TMOD1: variants seen among roughly 807,000 people sequenced by gnomAD.
TMOD1 encodes the protein tropomodulin 1.
A neutral mutation model predicts 40.6 loss-of-function variants in TMOD1; 17 were observed. The observed-to-expected ratio is 0.42, with a 90% confidence interval of 0.29 to 0.63. The LOEUF (loss-of-function observed/expected upper bound fraction) is 0.63, where lower values mean the gene tolerates loss of function less well. TMOD1 is among the 20% of genes least tolerant of loss of function. TMOD1 has a pLI of 0.22. For missense variants in TMOD1, 391 were observed against 447.6 expected (o/e 0.87, Z 1.14); for synonymous variants, 181 against 175.0 (o/e 1.03, Z -0.27).
At chr9:97,534,757 T>C (rs958294403) in intron 2 of TMOD1, among the ~76,000 whole-genome samples, 53 of 152,208 alleles carry the variant, frequency 3.5e-4, no homozygotes, top group African/African-American at 1.2e-3. Context: ...AGATACAGCA[T>C]AGATATGCTC....
Position 97,569,012 on chromosome 9 carries a change from T to G in TMOD1, c.845T>G (p.Leu282Arg). Residue 282 changes from leucine (L) to arginine (R), a missense_variant, in exon 8 of 10, where the codon CTG (leucine) becomes CGG (arginine). By Grantham distance (102) the Leu-to-Arg change is moderately radical. Coordinates refer to ENST00000259365, the MANE Select transcript of TMOD1 (RefSeq NM_003275.4). ...LVEALPYNTSLVEMKIDNQSQ... is the reference protein window; with the variant it reads ...LVEALPYNTSRVEMKIDNQSQ... Reference sequence around the variant, plus strand: ...GAAGCCCTCCCATACAACACTTCTCTGGTGGAAATGAAAATTGACAACCAG... The same window carrying G: ...GAAGCCCTCCCATACAACACTTCTCGGGTGGAAATGAAAATTGACAACCAG... 1 of 1,614,132 alleles carries G rather than the reference T, an allele frequency of 6.2e-7. No homozygotes were observed. The highest frequency in any genetic ancestry group is 1.1e-5 in the South Asian group (1 of 91,070).
rs1397099151 is a variant in TMOD1 at position 97,534,329 on chromosome 9, C to A, written c.120+10021C>A. ...GCCTGATGTTCTACTCTGCTGAAAG[C>A]CCTGAGATGGATTGAGAGGAGTTGG... is the stretch of plus-strand genomic sequence containing the variant. On this transcript the variant is annotated intron_variant, in intron 2 of 9. Coordinates refer to ENST00000259365, the MANE Select transcript of TMOD1 (RefSeq NM_003275.4). Among the ~76,000 whole-genome samples, 5 of 152,310 alleles carry A rather than the reference C, an allele frequency of 3.3e-5. No individual in the cohort carries two copies. In the East Asian group the frequency reaches 9.6e-4, roughly 29 times the overall value.
At chr9:97,571,319 G>A (rs1262320706) in intron 8 of TMOD1, among the ~76,000 whole-genome samples, 1 of 152,206 alleles carries the variant, frequency 6.6e-6, no homozygotes, top group Non-Finnish European at 1.5e-5. Context: ...CCAAGATGGA[G>A]CCCATGCTAA....
At chr9:97,538,651 C>G (rs181599094) in intron 2 of TMOD1, among the ~76,000 whole-genome samples, 11 of 152,228 alleles carry the variant, frequency 7.2e-5, no homozygotes, top group African/African-American at 2.6e-4. Flanking sequence ...ACCTTCCCCT[C>G]CATTTAGGAT....
chr9:97,562,331 AG>A (rs1308928341), intron 4 of TMOD1, among the ~76,000 whole-genome samples: 1 of 152,208 alleles, frequency 6.6e-6, no homozygotes, highest in African/African-American at 2.4e-5. Context: ...GACAGATCTC[AG>A]AGACACTGGG....
chr9:97,596,528 A>G (rs770663696), intron 9 of TMOD1, among the ~76,000 whole-genome samples: 22 of 152,188 alleles, frequency 1.4e-4, no homozygotes, highest in Admixed American at 3.3e-4. Context: ...ACACTTTACA[A>G]GAAGGAAACA....
At chr9:97,584,473 T>C (rs1055413638) in intron 8 of TMOD1, among the ~76,000 whole-genome samples, 24 of 151,914 alleles carry the variant, frequency 1.6e-4, no homozygotes, top group Non-Finnish European at 3.4e-4. Context: ...AAAATGTATA[T>C]TCTGTTGATT....
intron 1 of TMOD1, among the ~76,000 whole-genome samples, chr9:97,503,590 C>T (rs1222361148): frequency 6.6e-6 from 1 of 152,068 alleles, no homozygotes; most frequent in Non-Finnish European, 1.5e-5. Flanking sequence ...AGTCATTGAC[C>T]CTTGAGTTTC....
intron 1 of TMOD1, among the ~76,000 whole-genome samples, chr9:97,504,576 C>T (rs1829560482): frequency 6.6e-6 from 1 of 152,118 alleles, no homozygotes; most frequent in East Asian, 1.9e-4. Context: ...ATGTCACAGA[C>T]TCTGCAGGTG....
intron 8 of TMOD1, among the ~76,000 whole-genome samples, chr9:97,575,713 G>A (rs1434173854): frequency 6.6e-6 from 1 of 152,142 alleles, no homozygotes; most frequent in African/African-American, 2.4e-5. Flanking sequence ...TTCCTGTTGC[G>A]TCTGGCCAGA....
At chr9:97,587,566 TG>T (rs1392980443) in intron 8 of TMOD1, among the ~76,000 whole-genome samples, 2 of 122,324 alleles carry the variant, frequency 1.6e-5, no homozygotes, top group Admixed American at 8.7e-5. Flanking sequence ...TCTAATTGTT[TG>T]TTTTTTTTTT....
At chr9:97,550,402 A>G (rs1448746673) in intron 3 of TMOD1, among the ~76,000 whole-genome samples, 3 of 152,232 alleles carry the variant, frequency 2.0e-5, no homozygotes, top group Non-Finnish European at 4.4e-5. Context: ...GGTGGAATTG[A>G]TGAATGATAT....
At chr9:97,589,203 C>G (rs975033538) in intron 8 of TMOD1, among the ~76,000 whole-genome samples, 1 of 149,396 alleles carries the variant, frequency 6.7e-6, no homozygotes, top group Non-Finnish European at 1.5e-5. Flanking sequence ...TTTCAGATTG[C>G]TTATTGCTAG....
chr9:97,516,325 G>A (rs1008736198), intron 1 of TMOD1: 8 of 152,478 alleles, frequency 5.2e-5, no homozygotes, highest in African/African-American at 9.6e-5. Context: ...AGTCTCCTCC[G>A]CTAGGCAGGG....
At chr9:97,566,501 T>A (rs1042196445) in intron 7 of TMOD1, among the ~76,000 whole-genome samples, 2 of 151,894 alleles carry the variant, frequency 1.3e-5, no homozygotes, top group Admixed American at 6.6e-5. Flanking sequence ...TGAAACCCCG[T>A]CTCTACTAAA....
rs77064251 is a variant in TMOD1, at chr9:97,569,252, G to C, written c.870+215G>C. Among the ~76,000 whole-genome samples the C allele has an allele frequency of 2.9e-4, 44 of 152,246 alleles. 1 individual carries two copies. The East Asian group carries it at 8.3e-3, about 29-fold the overall frequency. Reference sequence around the variant, plus strand: ...TACGTGCTCTTCCAGTTCTGATTGAGTCCCTCTCATGATGGGGGACACACT... The same window carrying C: ...TACGTGCTCTTCCAGTTCTGATTGACTCCCTCTCATGATGGGGGACACACT... On this transcript the variant is annotated intron_variant, in intron 8 of 9. Coordinates refer to ENST00000259365, the MANE Select transcript of TMOD1 (RefSeq NM_003275.4).
chr9:97,586,548 C>T (rs552441849), intron 8 of TMOD1, among the ~76,000 whole-genome samples: 12 of 151,404 alleles, frequency 7.9e-5, no homozygotes, highest in South Asian at 6.3e-4. Context: ...TCGAGCTTCC[C>T]GGCTGCTTTG....
chr9:97,577,614 C>T (rs539502375), intron 8 of TMOD1, among the ~76,000 whole-genome samples: 2 of 152,052 alleles, frequency 1.3e-5, no homozygotes, highest in South Asian at 2.1e-4. Context: ...ATGGTAAAAC[C>T]CCATCTCTAC....
At chr9:97,527,069 T>C (rs1000895698) in intron 2 of TMOD1, among the ~76,000 whole-genome samples, 1 of 152,130 alleles carries the variant, frequency 6.6e-6, no homozygotes, top group African/African-American at 2.4e-5. Context: ...AAGTCGGCAT[T>C]GGTGGAAAGA....
Sources: allele counts gnomAD v4.1 joint callset (sites outside exome capture counted in the v4.1 genomes callset), GRCh38; gene constraint gnomAD v4.1.1; transcripts MANE v1.5; gene names NCBI Gene and HGNC (gene_info 2026-07-23, HGNC 2026-07-21).